Variants in TBC1D4 observed in about 807,000 individuals in gnomAD.
The protein encoded by TBC1D4 is TBC1 domain family member 4.
A neutral mutation model predicts 142.5 loss-of-function variants in TBC1D4; 121 were observed. That is an observed-to-expected ratio of 0.85 (90% confidence interval 0.73 to 0.99). The LOEUF is 0.99. Ranked by LOEUF, TBC1D4 falls within the 50% of genes least tolerant of loss-of-function variation. TBC1D4 has a pLI of 0.00. For synonymous variants in TBC1D4, 630 were observed against 628.2 expected, an observed-to-expected ratio of 1.00 and a Z score of -0.04; for missense variants, 1,475 against 1,606.6, an observed-to-expected ratio of 0.92 and a Z score of 1.40.
intron 18 of TBC1D4, among the ~76,000 whole-genome samples, chr13:75,293,973 G>A (rs994274397): frequency 6.6e-6 from 1 of 152,166 alleles, no homozygotes; most frequent in African/African-American, 2.4e-5. Flanking sequence ...AGTTGTGAGT[G>A]AATACTGACT....
intron 17 of TBC1D4, among the ~76,000 whole-genome samples, chr13:75,295,799 A>AT (rs1293747612): frequency 6.6e-6 from 1 of 152,198 alleles, no homozygotes; most frequent in African/African-American, 2.4e-5. Context: ...TTTAATTTAA[A>AT]TTTTTATCCA....
chr13:75,446,505 T>C (rs975040396), intron 1 of TBC1D4, among the ~76,000 whole-genome samples: 1 of 152,214 alleles, frequency 6.6e-6, no homozygotes, highest in Non-Finnish European at 1.5e-5. Flanking sequence ...TAACATGAAA[T>C]CAACATGTGT....
chr13:75,333,685 A>G (rs1169212981), intron 8 of TBC1D4, among the ~76,000 whole-genome samples: 7 of 152,222 alleles, frequency 4.6e-5, no homozygotes, highest in Admixed American at 4.6e-4. Context: ...TGATACAGTA[A>G]TACTATTGAA....
At chr13:75,414,608 T>C (rs1377223682) in intron 1 of TBC1D4, among the ~76,000 whole-genome samples, 1 of 152,034 alleles carries the variant, frequency 6.6e-6, no homozygotes, top group Non-Finnish European at 1.5e-5. Context: ...GGATGGTGTG[T>C]AGGTGTGGTC....
chr13:75,323,309 G>A (rs1383414568), intron 11 of TBC1D4, among the ~76,000 whole-genome samples: 1 of 151,890 alleles, frequency 6.6e-6, no homozygotes, highest in Non-Finnish European at 1.5e-5. Flanking sequence ...TGTATGAAAT[G>A]GAATACTATA....
intron 1 of TBC1D4, among the ~76,000 whole-genome samples, chr13:75,396,531 A>T (rs1005234305): frequency 1.3e-5 from 2 of 152,190 alleles, no homozygotes; most frequent in Non-Finnish European, 1.5e-5. Context: ...GGCATATTGT[A>T]TTTGTGTCAC....
chr13:75,361,680 T>C (rs1178135606), intron 2 of TBC1D4, among the ~76,000 whole-genome samples: 16 of 152,102 alleles, frequency 1.1e-4, no homozygotes, highest in South Asian at 2.1e-4. Flanking sequence ...GCGCCGGGCC[T>C]ACAATTTTTT....
intron 1 of TBC1D4, among the ~76,000 whole-genome samples, chr13:75,413,423 G>A (rs1329982047): frequency 1.3e-5 from 2 of 152,190 alleles, no homozygotes; most frequent in African/African-American, 4.8e-5. Flanking sequence ...GTCTCCCAAA[G>A]TGCTGGGATT....
chr13:75,455,432 T>C (rs1181269945), intron 1 of TBC1D4, among the ~76,000 whole-genome samples: 3 of 152,058 alleles, frequency 2.0e-5, no homozygotes, highest in African/African-American at 7.2e-5. Flanking sequence ...AAAAAAGTCT[T>C]ACAGGACACA....
chr13:75,467,849 GATT>G (rs1036003502), intron 1 of TBC1D4, among the ~76,000 whole-genome samples: 1 of 152,140 alleles, frequency 6.6e-6, no homozygotes, highest in Admixed American at 6.5e-5. Context: ...CAAGAGCAGT[GATT>G]ATTATTCTGT....
chr13:75,312,972 AC>A (rs1877936182), intron 12 of TBC1D4, 74 bp from the exon 13 acceptor site: 5 of 1,552,750 alleles, frequency 3.2e-6, no homozygotes, highest in Non-Finnish European at 2.6e-6. Context: ...AACTGGTAGC[AC>A]AAGCCATTCA....
At chr13:75,471,116 G>A (rs1888381136) in intron 1 of TBC1D4, among the ~76,000 whole-genome samples, 1 of 151,720 alleles carries the variant, frequency 6.6e-6, no homozygotes, top group East Asian at 1.9e-4. Flanking sequence ...ATTATGTCAT[G>A]TTCACACTCC....
chr13:75,462,785 C>G (rs147908468), intron 1 of TBC1D4, among the ~76,000 whole-genome samples: 1 of 152,040 alleles, frequency 6.6e-6, no homozygotes, highest in South Asian at 2.1e-4. Context: ...GCCTTGGAGC[C>G]ACGACCCTCC....
chr13:75,371,736 A>G (rs966720160), intron 1 of TBC1D4, among the ~76,000 whole-genome samples: 2 of 152,172 alleles, frequency 1.3e-5, no homozygotes, highest in Non-Finnish European at 2.9e-5. Flanking sequence ...TAATTAGAAG[A>G]GCGGTTTGCC....
At chr13:75,373,416 C>T (rs1883322086) in intron 1 of TBC1D4, among the ~76,000 whole-genome samples, 2 of 152,130 alleles carry the variant, frequency 1.3e-5, no homozygotes, top group Non-Finnish European at 2.9e-5. Flanking sequence ...GCAGGCCATC[C>T]GGGGATAAAA....
intron 1 of TBC1D4, among the ~76,000 whole-genome samples, chr13:75,404,974 G>A (rs1480598553): frequency 6.6e-6 from 1 of 152,110 alleles, no homozygotes; most frequent in Non-Finnish European, 1.5e-5. Context: ...TGACTTTTAG[G>A]TACTGCACAT....
intron 1 of TBC1D4, among the ~76,000 whole-genome samples, chr13:75,397,646 G>C (rs1170829034): frequency 2.6e-5 from 4 of 151,508 alleles, no homozygotes; most frequent in Non-Finnish European, 5.9e-5. Context: ...GTTTTGTTTT[G>C]TTTTGTTTTT....
intron 12 of TBC1D4, among the ~76,000 whole-genome samples, chr13:75,317,317 T>C (rs1329096080): frequency 3.3e-5 from 5 of 152,242 alleles, no homozygotes; most frequent in African/African-American, 1.2e-4. Flanking sequence ...CTAAGCCTTT[T>C]GATTGGGTAC....
intron 13 of TBC1D4, 75 bp downstream of exon 13, chr13:75,312,663 T>C (rs905097740): frequency 4.3e-5 from 68 of 1,579,318 alleles, no homozygotes; most frequent in Middle Eastern, 1.7e-4. Context: ...AATCTCTTTA[T>C]ACACAGCACG....
Sources: allele counts gnomAD v4.1 joint callset (sites outside exome capture counted in the v4.1 genomes callset), GRCh38; gene constraint gnomAD v4.1.1; transcripts MANE v1.5; gene names NCBI Gene and HGNC (gene_info 2026-07-23, HGNC 2026-07-21).